NOX4: variants seen among roughly 807,000 people sequenced by gnomAD.
NOX4 encodes the protein kidney oxidase-1.
NOX4 carries 69 observed loss-of-function variants against 87.6 expected under a neutral mutation model. That is an observed-to-expected ratio of 0.79 (90% CI 0.65 to 0.96). NOX4 has a LOEUF of 0.96. NOX4 is among the 40% of genes least tolerant of loss of function. The pLI, the probability that NOX4 is intolerant of heterozygous loss-of-function variation, is 0.00. For missense variants in NOX4, 680 were observed against 681.5 expected (o/e 1.00, Z 0.02); for synonymous variants, 275 against 238.2 (o/e 1.15, Z -1.42).
chr11:89,419,057 T>C (rs1303390146), intron 8 of NOX4, among the ~76,000 whole-genome samples: 2 of 152,106 alleles, frequency 1.3e-5, no homozygotes, highest in Admixed American at 1.3e-4. Flanking sequence ...TTTAAAAATA[T>C]GCAGTTTTAT....
intron 12 of NOX4, among the ~76,000 whole-genome samples, chr11:89,359,489 G>A (rs574036986): frequency 2.7e-4 from 40 of 147,802 alleles, no homozygotes; most frequent in African/African-American, 9.6e-4. Flanking sequence ...CTATTCCTGG[G>A]ATGAGAAGAA....
At chr11:89,556,868 A>G in the NOX4 span, 2 of 152,128 alleles carry the variant, frequency 1.3e-5, no homozygotes, top group Non-Finnish European at 2.9e-5. Context: ...TGGCACCATT[A>G]TGAGATGGGG....
At chr11:89,366,217 A>G (rs1452003951) in intron 12 of NOX4, among the ~76,000 whole-genome samples, 1 of 152,088 alleles carries the variant, frequency 6.6e-6, no homozygotes, top group Non-Finnish European at 1.5e-5. Flanking sequence ...TCCATGTTAC[A>G]TAGTAAAATC....
At chr11:89,576,545 A>G in the NOX4 span, among the ~76,000 whole-genome samples, 13 of 152,196 alleles carry the variant, frequency 8.5e-5, no homozygotes, top group Admixed American at 4.6e-4. Context: ...ATATTTTTAT[A>G]TCCCTTATGA....
chr11:89,366,688 A>G (rs561553858), intron 12 of NOX4, among the ~76,000 whole-genome samples: 14 of 124,318 alleles, frequency 1.1e-4, no homozygotes, highest in African/African-American at 5.1e-4. Context: ...ACCTGTCTCT[A>G]AAAACTGAAA....
chr11:89,446,174 C>T (rs1325062612), intron 4 of NOX4, among the ~76,000 whole-genome samples: 2 of 152,100 alleles, frequency 1.3e-5, no homozygotes, highest in Non-Finnish European at 2.9e-5. Flanking sequence ...CACTACGTAC[C>T]TATTAGAATG....
chr11:89,346,810 C>T (rs1946234348), intron 13 of NOX4, among the ~76,000 whole-genome samples: 1 of 152,178 alleles, frequency 6.6e-6, no homozygotes, highest in African/African-American at 2.4e-5. Flanking sequence ...ATCTCTGAGC[C>T]AAAATCTTTA....
chr11:89,429,463 C>A (rs888919855), intron 7 of NOX4, among the ~76,000 whole-genome samples: 1 of 151,868 alleles, frequency 6.6e-6, no homozygotes, highest in African/African-American at 2.4e-5. Context: ...AGACCGCTAG[C>A]AAGACTAATA....
At chr11:89,453,287 T>C (rs1376900723) in intron 2 of NOX4, among the ~76,000 whole-genome samples, 1 of 152,154 alleles carries the variant, frequency 6.6e-6, no homozygotes, top group African/African-American at 2.4e-5. Context: ...AAAATGTAAG[T>C]GAGATCATAC....
chr11:89,427,339 G>T (rs1040931948), intron 7 of NOX4, among the ~76,000 whole-genome samples: 4 of 152,172 alleles, frequency 2.6e-5, no homozygotes, highest in East Asian at 1.9e-4. Context: ...AAGGAACGCA[G>T]CTCCTCACTA....
intron 2 of NOX4, among the ~76,000 whole-genome samples, chr11:89,458,568 G>C (rs775469223): frequency 6.6e-6 from 1 of 152,076 alleles, no homozygotes; most frequent in Non-Finnish European, 1.5e-5. Flanking sequence ...CAAAGACCTA[G>C]TACACAGATT....
chr11:89,438,832 ATATATT>A (rs1944278465), intron 6 of NOX4, among the ~76,000 whole-genome samples: 1 of 40,368 alleles, frequency 2.5e-5, no homozygotes, highest in African/African-American at 2.2e-4. Context: ...ATAATATCTT[ATATATT>A]ATATATATTA....
intron 2 of NOX4, among the ~76,000 whole-genome samples, chr11:89,459,974 T>C (rs1945377287): frequency 6.6e-6 from 1 of 151,980 alleles, no homozygotes; most frequent in African/African-American, 2.4e-5. Context: ...TATAGACCAA[T>C]GGAACAGAAC....
chr11:89,585,189 C>A, the NOX4 span, among the ~76,000 whole-genome samples: 1 of 152,112 alleles, frequency 6.6e-6, no homozygotes, highest in Non-Finnish European at 1.5e-5. Flanking sequence ...TTCTTAGTCA[C>A]TGCCCCAAAG....
chr11:89,402,210 A>G, intron 9 of NOX4, 116 bp downstream of exon 9: 2 of 772,878 alleles, frequency 2.6e-6, no homozygotes, highest in Non-Finnish European at 4.3e-6. Flanking sequence ...CTGTTGAAAC[A>G]TCCTGAAATA....
chr11:89,426,550 A>G (rs1943427926), intron 7 of NOX4, among the ~76,000 whole-genome samples: 1 of 152,166 alleles, frequency 6.6e-6, no homozygotes, highest in Non-Finnish European at 1.5e-5. Flanking sequence ...CAATGGTCTT[A>G]GCAAACGGCA....
the NOX4 span, among the ~76,000 whole-genome samples, chr11:89,535,685 TA>T: frequency 1.3e-5 from 2 of 150,986 alleles, no homozygotes; most frequent in Admixed American, 6.6e-5. Context: ...ATACAGAGTT[TA>T]AAAAAAAAGG....
intron 17 of NOX4, among the ~76,000 whole-genome samples, chr11:89,329,356 GA>G (rs377055666): frequency 0.038 from 1,318 of 34,718 alleles, 8 homozygotes; most frequent in Middle Eastern, 0.058. Context: ...GAAAAAAACT[GA>G]AAAAAAAAAA....
chr11:89,458,813 G>A (rs1002429292), intron 2 of NOX4, among the ~76,000 whole-genome samples: 4 of 152,162 alleles, frequency 2.6e-5, no homozygotes, highest in South Asian at 2.1e-4. Context: ...AACAGATTCC[G>A]GGAAGGTTGC....
Sources: gnomAD v4.1 joint callset for allele counts (sites outside exome capture counted in the v4.1 genomes callset) on GRCh38, gnomAD v4.1.1 for gene constraint, MANE v1.5 for transcripts, NCBI Gene and HGNC (gene_info 2026-07-23, HGNC 2026-07-21) for gene names.